Variants in TMEM121B observed in about 807,000 individuals in gnomAD.
The protein encoded by TMEM121B is cat eye syndrome chromosome region, candidate 6.
TMEM121B carries 14 observed loss-of-function variants against 25.1 expected under a neutral mutation model. The ratio of observed to expected loss-of-function variants is 0.56; its 90% confidence interval spans 0.37 to 0.87. The LOEUF is 0.87. Among genes scored for constraint, TMEM121B ranks in the 40% least tolerant of loss-of-function variants. TMEM121B has a pLI of 0.00. For synonymous variants in TMEM121B, 458 were observed against 420.9 expected (o/e 1.09, Z -1.08); for missense variants, 850 against 854.6 (o/e 0.99, Z 0.07).
chr22:17,120,155 A>G lies in TMEM121B; in HGVS notation c.973T>C (p.Phe325Leu). Residue 325 changes from phenylalanine (F) to leucine (L), a missense_variant, in exon 1 of 1, where the codon TTC becomes CTC. Transcript: ENST00000331437. ...YLAWLIYSIA[F>L]TPKVVLILGT... The stretch of plus-strand genomic sequence containing the variant: ...AGGATCAGCACCACCTTGGGAGTGA[A>G]GGCGATGGAGTAGATAAGCCAGGCC... 5.0e-6 allele frequency: 8 copies of G among 1,609,512 alleles called. No individual in the cohort carries two copies. Among genetic ancestry groups the G allele is most frequent in the Non-Finnish European group, 6.8e-6 (8 of 1,178,968 alleles).
Position 17,121,062 on chromosome 22 carries a change from C to T in TMEM121B, c.66G>A (p.Pro22=). 3 of 1,451,332 alleles carry T rather than the reference C, an allele frequency of 2.1e-6. No individual in the cohort carries two copies. The highest frequency in any genetic ancestry group is 1.8e-6 in the Non-Finnish European group (2 of 1,103,512). The allele number at this position is 1,451,332 out of a possible 1,614,324, so 89.9% of individuals were successfully genotyped here. A position where few individuals can be genotyped will look rare whatever the true frequency, so the allele number is the denominator to read the frequency against. ...AGAGGGGCTGCAGCCGGGCGGCTGC[C>T]GGGGGCGGCGGGAAGGAACCGGACG... The part of the protein sequence containing the change: ...SSASGSFPPP[P]AAARLQPLFL... Residue 22 remains proline, a synonymous_variant, in exon 1 of 1, where the codon CCG becomes CCA. Transcript: ENST00000331437.
rs1450133392 is a variant in TMEM121B at position 17,120,648 on chromosome 22, G to A, written c.480C>T (p.Thr160=). 1.7e-6 allele frequency: 2 copies of A among 1,190,762 alleles called. No homozygotes were observed. Among genetic ancestry groups the A allele is most frequent in the African/African-American group, 1.6e-5 (1 of 62,282 alleles). The allele number at this position is 1,190,762 out of a possible 1,614,324, so 73.8% of individuals were successfully genotyped here. The part of the protein sequence containing the change: ...GSRSAGGAGG[T]GTGSGASCCP... ...AGCAGGAGGCGCCGCTGCCGGTCCCGGTGCCGCCCGCGCCCCCCGCCGAGC... is the reference window on the plus strand; with the variant it reads ...AGCAGGAGGCGCCGCTGCCGGTCCCAGTGCCGCCCGCGCCCCCCGCCGAGC... The change falls in exon 1 of 1, where the codon ACC becomes ACT. Residue 160 remains threonine (T), a synonymous_variant. Coordinates refer to ENST00000331437, the MANE Select transcript of TMEM121B (RefSeq NM_031890.4).
chr22:17,119,562 G>T lies in TMEM121B; in HGVS notation c.1566C>A (p.Gly522=). The T allele has an allele frequency of 6.4e-7, 1 of 1,552,196 alleles. No individual in the cohort carries two copies. The highest frequency in any genetic ancestry group is 8.7e-7 in the Non-Finnish European group (1 of 1,149,746). ...LEALEGCWDR[G]NRASPSRARG... ...TGGCCCGACTCGGGGAGGCCCGATT[G>T]CCCCGGTCCCAGCAGCCCTCCAGGG... The change falls in exon 1 of 1, where the codon GGC becomes GGA. Residue 522 remains glycine (G), a synonymous_variant. Transcript: ENST00000331437.
rs745370187 is a variant in TMEM121B, at chr22:17,120,066, G to A, written c.1062C>T (p.Leu354=). Residue 354 remains leucine (L), a synonymous_variant, in exon 1 of 1, where the codon CTC becomes CTT. Transcript: ENST00000331437. ...GCAGGGGCACCGACAGCGCCATGGT[G>A]AGACGGAAGCCCGTGGTGCCGAAGG... The part of the protein sequence containing the change: ...RAPFGTTGFR[L]TMALSVPLLY... 2 of 1,610,952 alleles carry A rather than the reference G, an allele frequency of 1.2e-6. No individual in the cohort carries two copies. The highest frequency in any genetic ancestry group is 2.2e-5 in the East Asian group (1 of 44,854).
chr22:17,120,227 C>T lies in TMEM121B; in HGVS notation c.901G>A (p.Gly301Ser), dbSNP rs759678568. The change falls in exon 1 of 1, where the codon GGC becomes AGC. Residue 301 changes from glycine to serine, a missense_variant. Gly to Ser is a moderately conservative substitution (Grantham distance 56, BLOSUM62 0). Transcript: ENST00000331437. ...ARGGAGGAGG[G>S]LGAAAAAGEF... ...CCCGCTGCCGCGGCCGCCCCCAGGC[C>T]GCCCCCCGCGCCGCCGGCGCCCCCG... The T allele has an allele frequency of 7.6e-7, 1 of 1,321,676 alleles. No individual in the cohort carries two copies. Among genetic ancestry groups the T allele is most frequent in the Non-Finnish European group, 9.6e-7 (1 of 1,037,978 alleles). 81.9% of individuals were successfully genotyped at this position (1,321,676 alleles called of 1,614,324 possible).
rs1201974079 is a variant in TMEM121B, at chr22:17,116,931, G to A, written c.*2460C>T. On this transcript the variant is annotated 3_prime_UTR_variant, in exon 1 of 1. Coordinates refer to ENST00000331437, the MANE Select transcript of TMEM121B (RefSeq NM_031890.4). ...AGCTTCTTGACATATCCAGGGAAGT[G>A]GCAGCTCATTGGAACTTATCACAGC... 6.6e-6 allele frequency: 1 copy of A among 152,318 alleles called. No homozygotes were observed. Among genetic ancestry groups the A allele is most frequent in the African/African-American group, 2.4e-5 (1 of 41,452 alleles). The allele number at this position is 152,318 out of a possible 1,614,324, so 9.4% of individuals were successfully genotyped here. A position where few individuals can be genotyped will look rare whatever the true frequency, so the allele number is the denominator to read the frequency against.
In TMEM121B at chr22:17,119,690, G is replaced by A; in HGVS notation, c.1438C>T (p.Pro480Ser). ...RLLGGCLVDV[P>S]LLALRCLLVV... ...AGGAGGCAGCGCAGCGCCAGCAAGG[G>A]CACGTCCACCAGGCAGCCGCCCAGC... The change falls in exon 1 of 1, where the codon CCC becomes TCC. Residue 480 changes from proline to serine, a missense_variant. By Grantham distance (74) the Pro-to-Ser change is moderately conservative. Coordinates refer to ENST00000331437, the MANE Select transcript of TMEM121B (RefSeq NM_031890.4). 1 of 1,542,132 alleles carries A rather than the reference G, an allele frequency of 6.5e-7. No individual in the cohort carries two copies. The highest frequency in any genetic ancestry group is 8.7e-7 in the Non-Finnish European group (1 of 1,150,474).
Position 17,119,412 on chromosome 22 carries a change from C to A in TMEM121B, c.1716G>T (p.Leu572=). Residue 572 remains leucine (L), a synonymous_variant, in exon 1 of 1, where the codon CTG becomes CTT. Transcript: ENST00000331437. ...EGGAHGYVNT[L]AVASQN ...ACCCTCAATTCTGAGAGGCCACAGC[C>A]AGGGTGTTGACATAGCCATGAGCAC... is the stretch of plus-strand genomic sequence containing the variant. The A allele has an allele frequency of 6.2e-7, 1 of 1,604,470 alleles. No individual in the cohort carries two copies. Among genetic ancestry groups the A allele is most frequent in the Admixed American group, 1.7e-5 (1 of 59,108 alleles).
At position 17,120,997 on chromosome 22, in the gene TMEM121B, C is replaced by T; in HGVS notation, c.131G>A (p.Gly44Asp). The change falls in exon 1 of 1, where the codon GGC (glycine) becomes GAC (aspartate). Residue 44 changes from glycine to aspartate, a missense_variant. Coordinates refer to ENST00000331437, the MANE Select transcript of TMEM121B (RefSeq NM_031890.4). ...GGSFRGRRGS[G>D]DSSTSTSTSR... ...GGTGCTGGTGCTGGTGCTGCTGTCG[C>T]CGGAGCCTCTCCGGCCGCGGAAGGA... is the stretch of plus-strand genomic sequence containing the variant. 1.4e-6 allele frequency: 2 copies of T among 1,466,466 alleles called. No individual in the cohort carries two copies. The highest frequency in any genetic ancestry group is 1.3e-5 in the South Asian group (1 of 77,714). The allele number at this position is 1,466,466 out of a possible 1,614,324, so 90.8% of individuals were successfully genotyped here.
rs780406208 is a variant in TMEM121B at position 17,120,924 on chromosome 22, C to T, written c.204G>A (p.Pro68=). 2.7e-5 allele frequency: 38 copies of T among 1,405,328 alleles called. No homozygotes were observed. Among genetic ancestry groups the T allele is most frequent in the Non-Finnish European group, 2.8e-6 (3 of 1,081,558 alleles). The allele number at this position is 1,405,328 out of a possible 1,614,324, so 87.1% of individuals were successfully genotyped here. A position where few individuals can be genotyped will look rare whatever the true frequency, so the allele number is the denominator to read the frequency against. ...CGCGCTCGGCGCCCGTGCTGCTGCT[C>T]GGGGAGCCGCCGCCCCCGCCGCGTC... ...GGRRGGGGGS[P]SSSTGAERED... is the part of the protein sequence containing the mutation. The change falls in exon 1 of 1, where the codon CCG becomes CCA. Residue 68 remains proline, a synonymous_variant. Coordinates refer to ENST00000331437, the MANE Select transcript of TMEM121B (RefSeq NM_031890.4).
rs1007026000 is a variant in TMEM121B, at chr22:17,120,935, C to T, written c.193G>A (p.Gly65Ser). Residue 65 changes from glycine (G) to serine (S), a missense_variant, in exon 1 of 1, where the codon GGC (glycine) becomes AGC (serine). Coordinates refer to ENST00000331437, the MANE Select transcript of TMEM121B (RefSeq NM_031890.4). The stretch of plus-strand genomic sequence containing the variant: ...CCCGTGCTGCTGCTCGGGGAGCCGC[C>T]GCCCCCGCCGCGTCTGCCGCCGCCT... ...GGGGGRRGGG[G>S]GSPSSSTGAE... 2 of 1,407,424 alleles carry T rather than the reference C, an allele frequency of 1.4e-6. No individual in the cohort carries two copies. Among genetic ancestry groups the T allele is most frequent in the Non-Finnish European group, 1.8e-6 (2 of 1,082,630 alleles). The allele number at this position is 1,407,424 out of a possible 1,614,324, so 87.2% of individuals were successfully genotyped here. A position where few individuals can be genotyped will look rare whatever the true frequency, so the allele number is the denominator to read the frequency against.
chr22:17,121,056 G>T lies in TMEM121B; in HGVS notation c.72C>A (p.Ala24=). Residue 24 remains alanine (A), a synonymous_variant, in exon 1 of 1, where the codon GCC becomes GCA. Coordinates refer to ENST00000331437, the MANE Select transcript of TMEM121B (RefSeq NM_031890.4). ...GGAGGAAGAGGGGCTGCAGCCGGGCGGCTGCCGGGGGCGGCGGGAAGGAAC... is the reference window on the plus strand; with the variant it reads ...GGAGGAAGAGGGGCTGCAGCCGGGCTGCTGCCGGGGGCGGCGGGAAGGAAC... ...ASGSFPPPPA[A]ARLQPLFLRG... 1 of 1,455,866 alleles carries T rather than the reference G, an allele frequency of 6.9e-7. No individual in the cohort carries two copies. Among genetic ancestry groups the T allele is most frequent in the Non-Finnish European group, 9.0e-7 (1 of 1,106,022 alleles). The allele number at this position is 1,455,866 out of a possible 1,614,324, so 90.2% of individuals were successfully genotyped here. A position where few individuals can be genotyped will look rare whatever the true frequency, so the allele number is the denominator to read the frequency against.
Position 17,120,723 on chromosome 22 carries a change from C to G in TMEM121B, c.405G>C (p.Ala135=). 1 of 1,201,024 alleles carries G rather than the reference C, an allele frequency of 8.3e-7. No homozygotes were observed. The highest frequency in any genetic ancestry group is 1.0e-6 in the Non-Finnish European group (1 of 968,748). The allele number at this position is 1,201,024 out of a possible 1,614,324, so 74.4% of individuals were successfully genotyped here. ...CGGCCGCGGCGCCCCCGCCGAAGTC[C>G]GCGGCTGTCATGCTGCAGGAGGAGG... ...TPTSSCSMTA[A]DFGGGAAAGA... The change falls in exon 1 of 1, where the codon GCG becomes GCC. Residue 135 remains alanine, a synonymous_variant. Transcript: ENST00000331437.
rs779263034 is a variant in TMEM121B at position 17,119,695 on chromosome 22, T to C, written c.1433A>G (p.Asp478Gly). Reference sequence around the variant, plus strand: ...GCAGCGCAGCGCCAGCAAGGGCACGTCCACCAGGCAGCCGCCCAGCAGGCG... The same window carrying C: ...GCAGCGCAGCGCCAGCAAGGGCACGCCCACCAGGCAGCCGCCCAGCAGGCG... ...LLRLLGGCLV[D>G]VPLLALRCLL... Residue 478 changes from aspartate (D) to glycine (G), a missense_variant, in exon 1 of 1, where the codon GAC (aspartate) becomes GGC (glycine). Coordinates refer to ENST00000331437, the MANE Select transcript of TMEM121B (RefSeq NM_031890.4). 6.5e-7 allele frequency: 1 copy of C among 1,542,014 alleles called. No individual in the cohort carries two copies. The highest frequency in any genetic ancestry group is 1.2e-5 in the South Asian group (1 of 84,702).
Position 17,119,460 on chromosome 22 carries a change from G to A in TMEM121B, c.1668C>T (p.His556=), listed in dbSNP as rs774248876. The A allele has an allele frequency of 6.2e-7, 1 of 1,607,746 alleles. No individual in the cohort carries two copies. Among genetic ancestry groups the A allele is most frequent in the South Asian group, 1.1e-5 (1 of 89,756 alleles). Residue 556 remains histidine, a synonymous_variant, in exon 1 of 1, where the codon CAC becomes CAT. Transcript: ENST00000331437. ...PPPQGGSQLG[H]CISENEGGAH... ...CACCCCCCTCGTTCTCCGAGATGCA[G>A]TGGCCCAGCTGGGAGCCTCCCTGAG...
Position 17,119,982 on chromosome 22 carries a change from G to T in TMEM121B, c.1146C>A (p.Pro382=), listed in dbSNP as rs1229241801. ...EAGAPPGSAG[P]LLLQPQRHRA... is the part of the protein sequence containing the mutation. ...GGTGCCGCTGGGGCTGCAGCAGCAGGGGTCCTGCCGATCCCGGGGGCGCGC... is the reference window on the plus strand; with the variant it reads ...GGTGCCGCTGGGGCTGCAGCAGCAGTGGTCCTGCCGATCCCGGGGGCGCGC... The change falls in exon 1 of 1, where the codon CCC becomes CCA. Residue 382 remains proline, a synonymous_variant. Transcript: ENST00000331437. The T allele has an allele frequency of 6.3e-7, 1 of 1,592,090 alleles. No homozygotes were observed. Among genetic ancestry groups the T allele is most frequent in the Non-Finnish European group, 8.5e-7 (1 of 1,173,904 alleles).
At position 17,118,833 on chromosome 22, in the gene TMEM121B, T is replaced by C. The variant is rs2123824770; in HGVS notation, c.*558A>G. On this transcript the variant is annotated 3_prime_UTR_variant, in exon 1 of 1. Coordinates refer to ENST00000331437, the MANE Select transcript of TMEM121B (RefSeq NM_031890.4). The stretch of plus-strand genomic sequence containing the variant: ...GAGGAGGGTGGTGATAAGTATGGTG[T>C]AGGGGGCAGGGCCTCCCCAGATCTC... The C allele has an allele frequency of 6.5e-6, 1 of 153,150 alleles. No homozygotes were observed. Among genetic ancestry groups the C allele is most frequent in the South Asian group, 2.0e-4 (1 of 5,006 alleles). The allele number at this position is 153,150 out of a possible 1,614,324, so 9.5% of individuals were successfully genotyped here.
chr22:17,121,179 C>T lies in TMEM121B; in HGVS notation c.-52G>A, dbSNP rs1328482597. 3.2e-6 allele frequency: 4 copies of T among 1,258,372 alleles called. No homozygotes were observed. Among genetic ancestry groups the T allele is most frequent in the Middle Eastern group, 3.1e-4 (1 of 3,234 alleles). 78.0% of individuals were successfully genotyped at this position (1,258,372 alleles called of 1,614,324 possible). ...CCAGCTGTTCCCTCCCCGCCAACCC[C>T]GGGCGGGCGAGGCGGGCTAGGCGGC... On this transcript the variant is annotated 5_prime_UTR_variant, in exon 1 of 1. Coordinates refer to ENST00000331437, the MANE Select transcript of TMEM121B (RefSeq NM_031890.4).
At position 17,119,301 on chromosome 22, in the gene TMEM121B, T is replaced by C; in HGVS notation, c.*90A>G. The C allele has an allele frequency of 2.6e-6, 4 of 1,513,790 alleles. No homozygotes were observed. Among genetic ancestry groups the C allele is most frequent in the Non-Finnish European group, 3.5e-6 (4 of 1,135,902 alleles). 93.8% of individuals were successfully genotyped at this position (1,513,790 alleles called of 1,614,324 possible). A position where few individuals can be genotyped will look rare whatever the true frequency, so the allele number is the denominator to read the frequency against. On this transcript the variant is annotated 3_prime_UTR_variant, in exon 1 of 1. Transcript: ENST00000331437. ...CCTGAAAAGGGTTACCTCTTCCAAATAGACCCTGATCAAATCTAGGTGACA... is the reference window on the plus strand; with the variant it reads ...CCTGAAAAGGGTTACCTCTTCCAAACAGACCCTGATCAAATCTAGGTGACA...
Sources: allele counts gnomAD v4.1 joint callset, GRCh38; gene constraint gnomAD v4.1.1; transcripts MANE v1.5; gene names NCBI Gene and HGNC (gene_info 2026-07-23, HGNC 2026-07-21).